DOK6: variants seen among roughly 807,000 people sequenced by gnomAD.
The protein encoded by DOK6 is downstream of tyrosine kinase 6.
In DOK6, 22 loss-of-function variants were observed where a neutral mutation model predicts 44.0. The observed-to-expected ratio is 0.50, with a 90% confidence interval of 0.36 to 0.71. DOK6 has a LOEUF of 0.71. DOK6 is among the 30% of genes least tolerant of loss of function. The pLI, the probability that DOK6 is intolerant of heterozygous loss-of-function variation, is 0.00. For missense variants in DOK6, 340 were observed against 416.4 expected, an observed-to-expected ratio of 0.82 and a Z score of 1.60; for synonymous variants, 166 against 145.5, an observed-to-expected ratio of 1.14 and a Z score of -1.01.
At chr18:69,713,646 C>T (rs761091504) in intron 5 of DOK6, among the ~76,000 whole-genome samples, 9 of 152,158 alleles carry the variant, frequency 5.9e-5, no homozygotes, top group East Asian at 1.9e-4. Context: ...TTAAGTAAAA[C>T]GGCCTCTAAA....
Position 69,667,995 on chromosome 18 carries a change from T to C in DOK6, c.290-9739T>C, listed in dbSNP as rs541392096. The stretch of plus-strand genomic sequence containing the variant: ...GAGAATTATTTCTAAAACTGAACTC[T>C]TGTTATTTTCCTCTAAATCTGCTTT... On this transcript the variant is annotated intron_variant, in intron 3 of 7. Coordinates refer to ENST00000382713, the MANE Select transcript of DOK6 (RefSeq NM_152721.6). Among the ~76,000 whole-genome samples the C allele has an allele frequency of 4.6e-5, 7 of 152,352 alleles. No homozygotes were observed. The South Asian group carries it at 1.4e-3, about 32-fold the overall frequency.
rs74756320 is a variant in DOK6 at position 69,637,610 on chromosome 18, G to C, written c.289+38112G>C. 5.7e-3 allele frequency among the ~76,000 whole-genome samples: 870 copies of C among 152,254 alleles called. 8 individuals carry two copies. Among genetic ancestry groups the C allele is most frequent in the African/African-American group, 0.019 (800 of 41,542 alleles). On this transcript the variant is annotated intron_variant, in intron 3 of 7. Transcript: ENST00000382713. ...AATTTTGGAGTTGAAAAGGACCTTAGAGAATATCTAATCTATTGGGTCACA... is the reference window on the plus strand; with the variant it reads ...AATTTTGGAGTTGAAAAGGACCTTACAGAATATCTAATCTATTGGGTCACA...
In DOK6 at chr18:69,569,004, A is replaced by C. The variant is rs117528609; in HGVS notation, c.174+4410A>C. On this transcript the variant is annotated intron_variant, in intron 2 of 7. Coordinates refer to ENST00000382713, the MANE Select transcript of DOK6 (RefSeq NM_152721.6). ...TAATAATAGTAGAAATGAAGTGCACAATAAATGCAATATGCTTGAATCATC... is the reference window on the plus strand; with the variant it reads ...TAATAATAGTAGAAATGAAGTGCACCATAAATGCAATATGCTTGAATCATC... Among the ~76,000 whole-genome samples, 61 of 152,160 alleles carry C rather than the reference A, an allele frequency of 4.0e-4. No individual in the cohort carries two copies. The East Asian group carries it at 0.01, about 25-fold the overall frequency.
At chr18:69,479,936 T>G (rs12608413) in intron 1 of DOK6, among the ~76,000 whole-genome samples, 7 of 152,074 alleles carry the variant, frequency 4.6e-5, no homozygotes, top group African/African-American at 1.7e-4. Flanking sequence ...CATTAATAGA[T>G]TTAGACACAA....
intron 1 of DOK6, among the ~76,000 whole-genome samples, chr18:69,406,858 A>G (rs1049848705): frequency 1.3e-5 from 2 of 152,330 alleles, no homozygotes; most frequent in Middle Eastern, 3.4e-3. Context: ...AGGCTGGCGG[A>G]TCACCTGAGG....
chr18:69,811,568 ATATATATATC>A (rs1292678314), intron 7 of DOK6, among the ~76,000 whole-genome samples: 10 of 16,108 alleles, frequency 6.2e-4, no homozygotes, highest in Admixed American at 1.2e-3. Flanking sequence ...ATATATATAT[ATATATATATC>A]AAAACACTAC....
At chr18:69,523,243 T>C (rs1452474934) in intron 1 of DOK6, among the ~76,000 whole-genome samples, 3 of 152,072 alleles carry the variant, frequency 2.0e-5, no homozygotes, top group Non-Finnish European at 2.9e-5. Context: ...GAGTGAACAA[T>C]GGAAGCTGTA....
chr18:69,571,802 T>C (rs1400320513), intron 2 of DOK6, among the ~76,000 whole-genome samples: 2 of 152,008 alleles, frequency 1.3e-5, no homozygotes, highest in East Asian at 3.8e-4. Flanking sequence ...ACCCCCTCCC[T>C]TTCTCACCAA....
chr18:69,724,920 T>C (rs575382992), intron 5 of DOK6: 1 of 152,352 alleles, frequency 6.6e-6, no homozygotes, highest in East Asian at 1.9e-4. Flanking sequence ...GACTCTGATG[T>C]TGCTATAAAG....
chr18:69,794,847 C>T (rs552134395), intron 7 of DOK6, among the ~76,000 whole-genome samples: 15 of 152,194 alleles, frequency 9.9e-5, no homozygotes, highest in Middle Eastern at 3.4e-3. Flanking sequence ...ACTGCGCATG[C>T]GAGGGATTTA....
At chr18:69,454,831 T>G (rs1341393818) in intron 1 of DOK6, among the ~76,000 whole-genome samples, 2 of 143,692 alleles carry the variant, frequency 1.4e-5, no homozygotes, top group African/African-American at 2.6e-5. Context: ...ACACCGCATA[T>G]TCTCACTCAT....
At chr18:69,740,668 T>C (rs1568112174) in intron 6 of DOK6, among the ~76,000 whole-genome samples, 1 of 152,246 alleles carries the variant, frequency 6.6e-6, no homozygotes, top group Non-Finnish European at 1.5e-5. Context: ...GCAAATTATT[T>C]AACTCTGGTT....
intron 1 of DOK6, among the ~76,000 whole-genome samples, chr18:69,536,041 G>A (rs1807452559): frequency 1.3e-5 from 2 of 152,088 alleles, no homozygotes; most frequent in South Asian, 4.1e-4. Flanking sequence ...CACATAATTA[G>A]CACACTGTCT....
chr18:69,487,845 C>G (rs1384130771), intron 1 of DOK6, among the ~76,000 whole-genome samples: 1 of 152,170 alleles, frequency 6.6e-6, no homozygotes, highest in East Asian at 1.9e-4. Flanking sequence ...TCCCACTCAT[C>G]TGGGTTACTC....
At chr18:69,691,089 G>A (rs1044156075) in intron 4 of DOK6, among the ~76,000 whole-genome samples, 11 of 151,850 alleles carry the variant, frequency 7.2e-5, no homozygotes, top group African/African-American at 2.7e-4. Flanking sequence ...GGAGTCTGAG[G>A]GAGGAGAATC....
chr18:69,704,969 T>C (rs1315870229), intron 5 of DOK6: 1 of 152,202 alleles, frequency 6.6e-6, no homozygotes, highest in African/African-American at 2.4e-5. Flanking sequence ...TCTGAATTGC[T>C]GCTTGCCAGA....
At chr18:69,430,804 T>C (rs542676623) in intron 1 of DOK6, among the ~76,000 whole-genome samples, 3 of 152,130 alleles carry the variant, frequency 2.0e-5, no homozygotes, top group Non-Finnish European at 4.4e-5. Flanking sequence ...CCATCTCTAC[T>C]AAAAATACAA....
chr18:69,481,467 T>C (rs899383528), intron 1 of DOK6, among the ~76,000 whole-genome samples: 7 of 152,100 alleles, frequency 4.6e-5, no homozygotes, highest in East Asian at 1.9e-4. Flanking sequence ...AGTGAGAACA[T>C]GCGGTGTTTG....
chr18:69,517,271 G>T (rs1981554323), intron 1 of DOK6, among the ~76,000 whole-genome samples: 1 of 152,142 alleles, frequency 6.6e-6, no homozygotes, highest in Non-Finnish European at 1.5e-5. Flanking sequence ...TATAATGGCT[G>T]AGTGAATTAG....
Sources: gnomAD v4.1 joint callset for allele counts (sites outside exome capture counted in the v4.1 genomes callset) on GRCh38, gnomAD v4.1.1 for gene constraint, MANE v1.5 for transcripts, NCBI Gene and HGNC (gene_info 2026-07-23, HGNC 2026-07-21) for gene names.